RALGAPB: variants seen among roughly 807,000 people sequenced by gnomAD.
RALGAPB encodes ral GTPase-activating protein subunit beta.
Under a neutral mutation model 161.1 loss-of-function variants are expected in RALGAPB, and 25 were observed. That is an observed-to-expected ratio of 0.16 (90% CI 0.11 to 0.22). RALGAPB has a LOEUF of 0.22. RALGAPB is among the 10% of genes least tolerant of loss of function. RALGAPB has a pLI of 1.00. For missense variants in RALGAPB, 1,391 were observed against 1,815.2 expected (o/e 0.77, Z 4.25); for synonymous variants, 629 against 626.1 (o/e 1.00, Z -0.07).
chr20:38,544,417 G>GA (rs1292092836), intron 18 of RALGAPB, among the ~76,000 whole-genome samples: 1 of 151,748 alleles, frequency 6.6e-6, no homozygotes. Flanking sequence ...AACTGGCATA[G>GA]ATTTGACTAT....
At chr20:38,542,962 T>C (rs997306992) in intron 18 of RALGAPB, among the ~76,000 whole-genome samples, 3 of 152,160 alleles carry the variant, frequency 2.0e-5, no homozygotes, top group African/African-American at 7.2e-5. Flanking sequence ...CTAGAAACTC[T>C]TCATTATACA....
chr20:38,533,982 T>A (rs1341203161), intron 15 of RALGAPB, among the ~76,000 whole-genome samples: 1 of 72,908 alleles, frequency 1.4e-5, no homozygotes, highest in Admixed American at 1.8e-4. Context: ...CTACTAAAAA[T>A]ACAAAAATTA....
intron 25 of RALGAPB, among the ~76,000 whole-genome samples, chr20:38,565,722 T>C (rs548321253): frequency 5.3e-5 from 8 of 152,194 alleles, no homozygotes; most frequent in Non-Finnish European, 1.2e-4. Context: ...TCAACTGATA[T>C]TTTGCTTTCT....
intron 5 of RALGAPB, among the ~76,000 whole-genome samples, chr20:38,506,161 G>T (rs1045164751): frequency 6.6e-6 from 1 of 152,190 alleles, no homozygotes. Flanking sequence ...AGGAAGATGT[G>T]TGTAGGTTAT....
chr20:38,531,072 A>T, intron 13 of RALGAPB, 95 bp from the exon 14 acceptor site: 1 of 1,109,546 alleles, frequency 9.0e-7, no homozygotes. Context: ...AACCAAAATT[A>T]TATTCTTATC....
At chr20:38,541,830 A>G (rs1234741468) in intron 18 of RALGAPB, among the ~76,000 whole-genome samples, 1 of 152,202 alleles carries the variant, frequency 6.6e-6, no homozygotes, top group Non-Finnish European at 1.5e-5. Context: ...AGTCAGAGTA[A>G]CATTTCTTGA....
At chr20:38,504,917 C>CA (rs541393191) in intron 5 of RALGAPB, among the ~76,000 whole-genome samples, 2 of 151,886 alleles carry the variant, frequency 1.3e-5, no homozygotes, top group Non-Finnish European at 2.9e-5. Flanking sequence ...ATTAAAAAGT[C>CA]AAAAAAACAG....
chr20:38,507,706 T>C (rs79116799), intron 5 of RALGAPB, among the ~76,000 whole-genome samples: 1,589 of 149,094 alleles, frequency 0.011, 22 homozygotes, highest in African/African-American at 0.037. Context: ...TTTGTTTTTC[T>C]TTTTTTTTTG....
chr20:38,570,785 A>C lies in RALGAPB; in HGVS notation c.4080A>C (p.Ser1360=), dbSNP rs1250961798. ...TTCTTCCAGAAAACTTTCCCCTCTC[A>C]GAGCTGATGACAGAGATCAGTACTG... ...RYDDIENFPL[S]ELMTEISTGV... is the part of the protein sequence containing the mutation. The change falls in exon 28 of 30, where the codon TCA becomes TCC. Residue 1360 remains serine (S), a synonymous_variant. Transcript: ENST00000262879. The C allele has an allele frequency of 6.2e-7, 1 of 1,605,902 alleles. No homozygotes were observed. Among genetic ancestry groups the C allele is most frequent in the Admixed American group, 1.7e-5 (1 of 59,810 alleles).
Position 38,575,814 on chromosome 20 carries a change from T to C in RALGAPB, c.*847T>C, listed in dbSNP as rs566626566. On this transcript the variant is annotated 3_prime_UTR_variant, in exon 30 of 30. Transcript: ENST00000262879. ...ATTGATTAAATATTATTTAAAGAAA[T>C]GTAAATTCACAATAAGGGTTGAAAA... The C allele has an allele frequency of 6.6e-6, 1 of 152,664 alleles. No individual in the cohort carries two copies. Among genetic ancestry groups the C allele is most frequent in the South Asian group, 2.1e-4 (1 of 4,834 alleles). 9.5% of individuals were successfully genotyped at this position (152,664 alleles called of 1,614,324 possible). A position where few individuals can be genotyped will look rare whatever the true frequency, so the allele number is the denominator to read the frequency against.
intron 16 of RALGAPB, 51 bp downstream of exon 16, chr20:38,535,258 GT>G: frequency 3.8e-6 from 6 of 1,585,408 alleles, no homozygotes; most frequent in Admixed American, 3.4e-5. Flanking sequence ...GGCCTTGGCT[GT>G]TTTTTCTGTA....
chr20:38,549,686 G>A (rs550295738), intron 20 of RALGAPB, among the ~76,000 whole-genome samples: 14 of 151,812 alleles, frequency 9.2e-5, no homozygotes, highest in Non-Finnish European at 1.8e-4. Context: ...TAATACTTGA[G>A]AAGTTGGAAA....
chr20:38,532,349 G>A (rs751251222), intron 14 of RALGAPB, among the ~76,000 whole-genome samples: 2 of 152,184 alleles, frequency 1.3e-5, no homozygotes, highest in African/African-American at 2.4e-5. Flanking sequence ...GAGCCAGCGC[G>A]CCTGGCCTTA....
chr20:38,491,275 A>G (rs2085271345), intron 2 of RALGAPB, among the ~76,000 whole-genome samples: 1 of 151,812 alleles, frequency 6.6e-6, no homozygotes, highest in Non-Finnish European at 1.5e-5. Flanking sequence ...CTGTCCAACA[A>G]GTTGGCCATC....
At chr20:38,502,840 T>C (rs910998886) in intron 5 of RALGAPB, among the ~76,000 whole-genome samples, 87 of 152,246 alleles carry the variant, frequency 5.7e-4, no homozygotes, top group African/African-American at 1.9e-3. Context: ...CCAGGCCTCA[T>C]GTGAGCCGCC....
At chr20:38,535,686 A>G (rs1175725756) in intron 16 of RALGAPB, among the ~76,000 whole-genome samples, 2 of 151,842 alleles carry the variant, frequency 1.3e-5, no homozygotes, top group Non-Finnish European at 2.9e-5. Context: ...TCCGCTTCCA[A>G]GCAATCCCCC....
At chr20:38,489,501 T>C (rs919504200) in intron 2 of RALGAPB, among the ~76,000 whole-genome samples, 1 of 152,094 alleles carries the variant, frequency 6.6e-6, no homozygotes, top group African/African-American at 2.4e-5. Flanking sequence ...AAAGTTGCCA[T>C]TGGGAAGTCA....
intron 13 of RALGAPB, among the ~76,000 whole-genome samples, chr20:38,530,318 T>C (rs2091104357): frequency 6.6e-6 from 1 of 152,266 alleles, no homozygotes. Flanking sequence ...TATACAGTTA[T>C]TTAATACTAC....
In RALGAPB at chr20:38,539,384, AATTT is replaced by A. The variant is rs2086900486; in HGVS notation, c.2380-389_2380-386del. Among the ~76,000 whole-genome samples the A allele has an allele frequency of 2.0e-5, 3 of 152,260 alleles. No individual in the cohort carries two copies. The South Asian group carries it at 6.2e-4, about 32-fold the overall frequency. On this transcript the variant is annotated intron_variant, in intron 16 of 29. Transcript: ENST00000262879. ...CAGTTGTATACTTGAAATATTGGGC[AATTT>A]ATGACAATTATGCCTCTGAGCAGCT...
Sources: gnomAD v4.1 joint callset for allele counts (sites outside exome capture counted in the v4.1 genomes callset) on GRCh38, gnomAD v4.1.1 for gene constraint, MANE v1.5 for transcripts, NCBI Gene and HGNC (gene_info 2026-07-23, HGNC 2026-07-21) for gene names.